TDRP: variants seen among roughly 807,000 people sequenced by gnomAD.
TDRP encodes the protein testis development-related protein.
Under a neutral mutation model 10.5 loss-of-function variants are expected in TDRP, and 12 were observed. The observed-to-expected ratio is 1.15, with a 90% CI of 0.73 to 1.86. The LOEUF (loss-of-function observed/expected upper bound fraction) is 1.86. TDRP is among the 40% of genes most tolerant of loss of function. The pLI, the probability that TDRP is intolerant of heterozygous loss-of-function variation, is 0.00. For missense variants in TDRP, 353 were observed against 229.2 expected, an observed-to-expected ratio of 1.54 and a Z score of -3.49; for synonymous variants, 139 against 95.4, an observed-to-expected ratio of 1.46 and a Z score of -2.67.
At chr8:514,312 G>A (rs994200001) in intron 1 of TDRP, among the ~76,000 whole-genome samples, 1 of 152,152 alleles carries the variant, frequency 6.6e-6, no homozygotes, top group African/African-American at 2.4e-5. Flanking sequence ...TACATATAAG[G>A]TCAATTGATT....
intron 1 of TDRP, among the ~76,000 whole-genome samples, chr8:542,542 T>G (rs971832782): frequency 4.6e-5 from 7 of 151,576 alleles, no homozygotes; most frequent in Admixed American, 3.9e-4. Context: ...TAAAGTTTTT[T>G]CCCCCCAAAA....
intron 1 of TDRP, among the ~76,000 whole-genome samples, chr8:537,870 G>A (rs1399709499): frequency 2.0e-5 from 3 of 152,118 alleles, no homozygotes; most frequent in Non-Finnish European, 4.4e-5. Flanking sequence ...TTACCTACTT[G>A]GTTATATAAA....
intron 1 of TDRP, among the ~76,000 whole-genome samples, chr8:523,939 G>A (rs1478212722): frequency 6.6e-6 from 1 of 152,162 alleles, no homozygotes; most frequent in Non-Finnish European, 1.5e-5. Flanking sequence ...AGAGCCCTAG[G>A]GCCTTTAGCG....
chr8:494,646 G>A (rs373789914), intron 1 of TDRP, 49 bp from the exon 2 acceptor site: 3 of 1,528,952 alleles, frequency 2.0e-6, no homozygotes, highest in East Asian at 4.5e-5. Context: ...TGAATCAACA[G>A]AATTCCGCTT....
chr8:540,242 A>G (rs904243847), intron 1 of TDRP, among the ~76,000 whole-genome samples: 7 of 152,224 alleles, frequency 4.6e-5, no homozygotes, highest in Admixed American at 1.3e-4. Context: ...CAGAAATTTA[A>G]TATCATTTAG....
At chr8:495,759 T>C (rs527491213) in intron 1 of TDRP, among the ~76,000 whole-genome samples, 10 of 152,218 alleles carry the variant, frequency 6.6e-5, no homozygotes, top group Non-Finnish European at 1.5e-4. Context: ...GAGACAAGGA[T>C]AATGAATACA....
chr8:533,910 CTT>C (rs1802277058), intron 1 of TDRP, among the ~76,000 whole-genome samples: 2 of 152,110 alleles, frequency 1.3e-5, no homozygotes, highest in South Asian at 4.2e-4. Context: ...ACAAGAAACT[CTT>C]TAATACAAAA....
At chr8:527,319 T>C (rs552567342) in intron 1 of TDRP, among the ~76,000 whole-genome samples, 13 of 152,280 alleles carry the variant, frequency 8.5e-5, no homozygotes, top group African/African-American at 3.1e-4. Context: ...AGAGTCACTA[T>C]TGTTAAAATA....
intron 1 of TDRP, among the ~76,000 whole-genome samples, chr8:517,445 G>A (rs940788392): frequency 6.6e-6 from 1 of 152,090 alleles, no homozygotes; most frequent in Non-Finnish European, 1.5e-5. Flanking sequence ...TCTCTCTGAA[G>A]CCTCTACCTG....
chr8:533,598 T>C (rs1802266718), intron 1 of TDRP, among the ~76,000 whole-genome samples: 1 of 152,156 alleles, frequency 6.6e-6, no homozygotes, highest in Non-Finnish European at 1.5e-5. Context: ...CCCCTCCTCC[T>C]TAAACAGGTA....
At chr8:523,054 TTTGTTAATTATG>T (rs1472243925) in intron 1 of TDRP, among the ~76,000 whole-genome samples, 3 of 152,184 alleles carry the variant, frequency 2.0e-5, no homozygotes, top group African/African-American at 7.2e-5. Flanking sequence ...CTATTGCCAC[TTTGTTAATTATG>T]TTCTTTAAGT....
At chr8:513,412 A>T (rs1018605325) in intron 1 of TDRP, among the ~76,000 whole-genome samples, 2 of 152,206 alleles carry the variant, frequency 1.3e-5, no homozygotes, top group Non-Finnish European at 2.9e-5. Flanking sequence ...TTATATAAGC[A>T]TCTCAATATA....
chr8:498,676 C>T (rs7827327), intron 1 of TDRP, among the ~76,000 whole-genome samples: 2,070 of 152,118 alleles, frequency 0.014, 35 homozygotes, highest in African/African-American at 0.048. Context: ...GTAAGAAGAA[C>T]ATTACATTTG....
At chr8:525,991 G>A (rs1802025360) in intron 1 of TDRP, among the ~76,000 whole-genome samples, 1 of 152,134 alleles carries the variant, frequency 6.6e-6, no homozygotes, top group African/African-American at 2.4e-5. Context: ...TTATTGGTCT[G>A]TTCAGGTTTT....
chr8:491,655 T>C lies in TDRP; in HGVS notation c.*744A>G. 4 of 1,528,708 alleles carry C rather than the reference T, an allele frequency of 2.6e-6. No homozygotes were observed. The highest frequency in any genetic ancestry group is 3.5e-6 in the Non-Finnish European group (4 of 1,144,684). The allele number at this position is 1,528,708 out of a possible 1,614,324, so 94.7% of individuals were successfully genotyped here. ...GAAATTATCAACTGACTAAAATTGA[T>C]CCATACTTCTTTAATCTGTAAACAA... On this transcript the variant is annotated 3_prime_UTR_variant, in exon 3 of 3. Coordinates refer to ENST00000324079, the MANE Select transcript of TDRP (RefSeq NM_001384899.1).
At chr8:527,604 C>T (rs1186597073) in intron 1 of TDRP, among the ~76,000 whole-genome samples, 1 of 152,142 alleles carries the variant, frequency 6.6e-6, no homozygotes, top group East Asian at 1.9e-4. Context: ...CAAATCCATA[C>T]ATCTACAGTG....
At chr8:498,619 G>C (rs1393443417) in intron 1 of TDRP, among the ~76,000 whole-genome samples, 1 of 152,202 alleles carries the variant, frequency 6.6e-6, no homozygotes, top group African/African-American at 2.4e-5. Flanking sequence ...GCTGGAATGA[G>C]TTAAGATTTT....
rs1800986328 is a variant in TDRP, at chr8:491,885, T to C, written c.*514A>G. On this transcript the variant is annotated 3_prime_UTR_variant, in exon 3 of 3. Coordinates refer to ENST00000324079, the MANE Select transcript of TDRP (RefSeq NM_001384899.1). ...TGCTTTTCCAGTATTTGTTTACGTA[T>C]TTGTTTAATAAGAACAAAGTTTAAT... 1 of 1,186,764 alleles carries C rather than the reference T, an allele frequency of 8.4e-7. No homozygotes were observed. Among genetic ancestry groups the C allele is most frequent in the Non-Finnish European group, 1.0e-6 (1 of 959,504 alleles). 73.5% of individuals were successfully genotyped at this position (1,186,764 alleles called of 1,614,324 possible).
rs565298226 is a variant in TDRP, at chr8:509,357, C to T, written c.109-14760G>A. ...GTTCTCCATGAGTGCTCTGCCCCTGCAGCAAACTTCTTTCTGGACATCCAG... is the reference window on the plus strand; with the variant it reads ...GTTCTCCATGAGTGCTCTGCCCCTGTAGCAAACTTCTTTCTGGACATCCAG... On this transcript the variant is annotated intron_variant, in intron 1 of 2. Coordinates refer to ENST00000324079, the MANE Select transcript of TDRP (RefSeq NM_001384899.1). Among the ~76,000 whole-genome samples, 7 of 152,336 alleles carry T rather than the reference C, an allele frequency of 4.6e-5. No individual in the cohort carries two copies. In the East Asian group the frequency reaches 1.4e-3, roughly 29 times the overall value.
Sources: allele counts gnomAD v4.1 joint callset (sites outside exome capture counted in the v4.1 genomes callset), GRCh38; gene constraint gnomAD v4.1.1; transcripts MANE v1.5; gene names NCBI Gene and HGNC (gene_info 2026-07-23, HGNC 2026-07-21).